ABCC1: variants seen among roughly 807,000 people sequenced by gnomAD.
The protein encoded by ABCC1 is multidrug resistance-associated protein 1.
ABCC1 carries 83 observed loss-of-function variants against 172.9 expected under a neutral mutation model. That is an observed-to-expected ratio of 0.48 (90% confidence interval 0.40 to 0.58). ABCC1 has a LOEUF of 0.58. Among genes scored for constraint, ABCC1 ranks in the 20% least tolerant of loss-of-function variants. ABCC1 has a pLI of 0.00. For synonymous variants in ABCC1, 937 were observed against 825.2 expected, an observed-to-expected ratio of 1.14 and a Z score of -2.32; for missense variants, 1,817 against 2,002.7, an observed-to-expected ratio of 0.91 and a Z score of 1.77.
chr16:16,093,519 G>T (rs1446297889), intron 19 of ABCC1, among the ~76,000 whole-genome samples: 2 of 152,040 alleles, frequency 1.3e-5, no homozygotes, highest in Non-Finnish European at 2.9e-5. Flanking sequence ...CTGGCACCTC[G>T]TGCGTTCATT....
At chr16:16,132,312 G>A (rs74775059) in intron 27 of ABCC1, among the ~76,000 whole-genome samples, 2,402 of 151,820 alleles carry the variant, frequency 0.016, 28 homozygotes, top group African/African-American at 0.031. Flanking sequence ...GGTTGGGAGT[G>A]CAGGTGTGTG....
chr16:16,052,753 G>A lies in ABCC1; in HGVS notation c.1410G>A (p.Val470=). The A allele has an allele frequency of 6.2e-7, 1 of 1,614,152 alleles. No homozygotes were observed. Among genetic ancestry groups the A allele is most frequent in the Non-Finnish European group, 8.5e-7 (1 of 1,180,020 alleles). ...LNLGPSVLAG[V]AVMVLMVPVN... ...TGGGCCCTTCCGTCCTGGCTGGAGT[G>A]GCGGTGATGGTCCTCATGGTGCCCG... The change falls in exon 11 of 31, where the codon GTG becomes GTA. Residue 470 remains valine, a synonymous_variant. Coordinates refer to ENST00000399410, the MANE Select transcript of ABCC1 (RefSeq NM_004996.4).
At chr16:16,012,989 G>T (rs2047849156) in intron 3 of ABCC1, among the ~76,000 whole-genome samples, 1 of 151,906 alleles carries the variant, frequency 6.6e-6, no homozygotes, top group South Asian at 2.1e-4. Flanking sequence ...GGCCGTTCCT[G>T]GTCTTTTGAT....
chr16:16,090,478 A>G lies in ABCC1; in HGVS notation c.2534A>G (p.Lys845Arg), dbSNP rs2051204553. The change falls in exon 19 of 31, where the codon AAG (lysine) becomes AGG (arginine). Residue 845 changes from lysine to arginine, a missense_variant. Transcript: ENST00000399410. The part of the protein sequence containing the change: ...VDVIIVMSGG[K>R]ISEMGSYQEL... Reference sequence around the variant, plus strand: ...GTCATCATCGTCATGAGTGGCGGCAAGATCTCTGAGATGGGCTCCTACCAG... The same window carrying G: ...GTCATCATCGTCATGAGTGGCGGCAGGATCTCTGAGATGGGCTCCTACCAG... 8.7e-6 allele frequency: 14 copies of G among 1,613,784 alleles called. No individual in the cohort carries two copies. Among genetic ancestry groups the G allele is most frequent in the Non-Finnish European group, 1.1e-5 (13 of 1,179,970 alleles).
At chr16:15,953,505 C>T (rs187268397) in intron 1 of ABCC1, among the ~76,000 whole-genome samples, 34 of 152,248 alleles carry the variant, frequency 2.2e-4, no homozygotes, top group African/African-American at 7.7e-4. Context: ...TGTGGGATAA[C>T]GTAGTACCTA....
chr16:16,071,288 G>A (rs2050339795), intron 13 of ABCC1, among the ~76,000 whole-genome samples: 1 of 150,950 alleles, frequency 6.6e-6, no homozygotes, highest in Non-Finnish European at 1.5e-5. Flanking sequence ...AGCTGAGGCG[G>A]GGTTTCACCA....
chr16:15,967,351 T>A (rs2046265928), intron 1 of ABCC1, among the ~76,000 whole-genome samples: 1 of 152,038 alleles, frequency 6.6e-6, no homozygotes, highest in Non-Finnish European at 1.5e-5. Context: ...TGGCCAGGTC[T>A]GGGTGAGTCT....
chr16:15,958,591 G>A (rs768613996), intron 1 of ABCC1, among the ~76,000 whole-genome samples: 2 of 152,174 alleles, frequency 1.3e-5, no homozygotes, highest in Non-Finnish European at 2.9e-5. Context: ...TAGCTTTGAT[G>A]ATCAGCTCTT....
chr16:16,107,995 C>T (rs2052211359), intron 21 of ABCC1, among the ~76,000 whole-genome samples: 1 of 151,970 alleles, frequency 6.6e-6, no homozygotes, highest in Non-Finnish European at 1.5e-5. Flanking sequence ...CTGTTCCTGG[C>T]TTCTTCCTTA....
At chr16:16,095,753 T>G (rs970034743) in intron 19 of ABCC1, among the ~76,000 whole-genome samples, 1 of 151,472 alleles carries the variant, frequency 6.6e-6, no homozygotes, top group African/African-American at 2.4e-5. Flanking sequence ...CTCGAACTCC[T>G]GGGCTCAAGC....
Position 16,114,900 on chromosome 16 carries a change from C to T in ABCC1, c.3214C>T (p.Leu1072=), listed in dbSNP as rs995833778. The part of the protein sequence containing the change: ...SFFERTPSGN[L]VNRFSKELDT... The stretch of plus-strand genomic sequence containing the variant: ...CTTTGAGCGGACCCCCAGTGGGAAC[C>T]TGGTGAACCGCTTCTCCAAGGAGCT... Residue 1072 remains leucine (L), a synonymous_variant, in exon 23 of 31, where the codon CTG becomes TTG. Transcript: ENST00000399410. 8.1e-6 allele frequency: 13 copies of T among 1,613,854 alleles called. No homozygotes were observed. The highest frequency in any genetic ancestry group is 2.2e-5 in the East Asian group (1 of 44,890).
chr16:15,960,658 C>T (rs375254775), intron 1 of ABCC1, among the ~76,000 whole-genome samples: 3 of 152,086 alleles, frequency 2.0e-5, no homozygotes, highest in Non-Finnish European at 4.4e-5. Flanking sequence ...GAAGGCCTTT[C>T]GGAGGCGGTG....
intron 17 of ABCC1, 99 bp from the exon 18 acceptor site, chr16:16,086,725 T>A (rs2051022503): frequency 1.4e-6 from 2 of 1,416,784 alleles, no homozygotes; most frequent in African/African-American, 2.8e-5. Flanking sequence ...CACCTTGGCC[T>A]CCCAAAGTTC....
intron 5 of ABCC1, among the ~76,000 whole-genome samples, chr16:16,020,972 T>C (rs1367466404): frequency 6.6e-6 from 1 of 152,130 alleles, no homozygotes; most frequent in African/African-American, 2.4e-5. Flanking sequence ...CTTCGCTTGG[T>C]TGTAACTGCT....
intron 1 of ABCC1, among the ~76,000 whole-genome samples, chr16:15,957,976 A>AG: frequency 6.6e-6 from 1 of 152,346 alleles, no homozygotes; most frequent in Non-Finnish European, 1.5e-5. Context: ...TGCTAGCCCC[A>AG]GGCCCACATT....
chr16:16,119,569 C>T (rs936022105), intron 23 of ABCC1, among the ~76,000 whole-genome samples: 1 of 151,898 alleles, frequency 6.6e-6, no homozygotes, highest in Admixed American at 6.6e-5. Context: ...TGGGCGCCTG[C>T]AATTCCAGCT....
At chr16:16,050,659 G>C (rs1007523302) in intron 10 of ABCC1, among the ~76,000 whole-genome samples, 2 of 148,656 alleles carry the variant, frequency 1.3e-5, no homozygotes, top group Non-Finnish European at 3.0e-5. Flanking sequence ...TTGGGAGGCT[G>C]AGGTGGAAGG....
At chr16:15,984,666 G>A (rs1567286749) in intron 1 of ABCC1, among the ~76,000 whole-genome samples, 2 of 151,898 alleles carry the variant, frequency 1.3e-5, no homozygotes, top group Non-Finnish European at 2.9e-5. Context: ...GGCTGGTCTC[G>A]AACCCCTGAC....
rs776862356 is a variant in ABCC1, at chr16:16,048,240, G to A, written c.1317G>A (p.Thr439=). 14 of 1,614,036 alleles carry A rather than the reference G, an allele frequency of 8.7e-6. No individual in the cohort carries two copies. Among genetic ancestry groups the A allele is most frequent in the Middle Eastern group, 1.6e-4 (1 of 6,084 alleles). ...VDAQRFMDLA[T]YINMIWSAPL... ...CTCAGAGGTTCATGGACTTGGCCACGTACATTAACATGATCTGGTCAGCCC... is the reference window on the plus strand; with the variant it reads ...CTCAGAGGTTCATGGACTTGGCCACATACATTAACATGATCTGGTCAGCCC... The change falls in exon 10 of 31, where the codon ACG becomes ACA. Residue 439 remains threonine (T), a synonymous_variant. Transcript: ENST00000399410.
Sources: gnomAD v4.1 joint callset for allele counts (sites outside exome capture counted in the v4.1 genomes callset) on GRCh38, gnomAD v4.1.1 for gene constraint, MANE v1.5 for transcripts, NCBI Gene and HGNC (gene_info 2026-07-23, HGNC 2026-07-21) for gene names.